The following ROBO1 variants were observed in gnomAD, a reference collection of about 807,000 sequenced individuals.
ROBO1 encodes the protein roundabout guidance receptor 1.
A neutral mutation model predicts 195.9 loss-of-function variants in ROBO1; 149 were observed. The observed-to-expected ratio is 0.76, with a 90% CI of 0.67 to 0.87. ROBO1 has a LOEUF of 0.87. Among genes scored for constraint, ROBO1 ranks in the 40% least tolerant of loss-of-function variants. The pLI is 0.00. For synonymous variants in ROBO1, 816 were observed against 733.2 expected (o/e 1.11, Z -1.82); for missense variants, 1,933 against 2,068.3 (o/e 0.93, Z 1.27).
chr3:79,468,647 G>A (rs1213218590), intron 2 of ROBO1, among the ~76,000 whole-genome samples: 1 of 151,988 alleles, frequency 6.6e-6, no homozygotes, highest in African/African-American at 2.4e-5. Context: ...TTTTTTTATT[G>A]AGCACCTAAA....
intron 27 of ROBO1, among the ~76,000 whole-genome samples, chr3:78,615,947 C>G (rs781013521): frequency 6.6e-6 from 1 of 152,122 alleles, no homozygotes; most frequent in Non-Finnish European, 1.5e-5. Context: ...ATTATGAGCT[C>G]AAGGAAAACC....
chr3:79,393,109 G>C (rs2037015789), intron 2 of ROBO1, among the ~76,000 whole-genome samples: 1 of 152,068 alleles, frequency 6.6e-6, no homozygotes, highest in South Asian at 2.1e-4. Context: ...TGGCACACTG[G>C]GCCTGCCTTC....
chr3:79,021,061 G>A (rs941330517), intron 3 of ROBO1, among the ~76,000 whole-genome samples: 2 of 152,086 alleles, frequency 1.3e-5, no homozygotes, highest in African/African-American at 4.8e-5. Flanking sequence ...TGGAAACTCT[G>A]GTTAACAGCA....
chr3:79,688,994 A>G (rs1947220812), intron 1 of ROBO1, among the ~76,000 whole-genome samples: 1 of 151,972 alleles, frequency 6.6e-6, no homozygotes, highest in Non-Finnish European at 1.5e-5. Context: ...TAATTATTAG[A>G]CTTTTTTCTC....
chr3:79,408,300 T>A (rs1417869507), intron 2 of ROBO1, among the ~76,000 whole-genome samples: 1 of 151,976 alleles, frequency 6.6e-6, no homozygotes. Flanking sequence ...AGATTACATA[T>A]AATCTCAGTA....
At chr3:79,344,724 G>T (rs2035045087) in intron 2 of ROBO1, among the ~76,000 whole-genome samples, 1 of 151,198 alleles carries the variant, frequency 6.6e-6, no homozygotes, top group African/African-American at 2.4e-5. Context: ...TATATATGGA[G>T]AGAGAGAGAG....
chr3:79,211,816 T>C (rs1009339540), intron 2 of ROBO1, among the ~76,000 whole-genome samples: 1 of 152,242 alleles, frequency 6.6e-6, no homozygotes, highest in African/African-American at 2.4e-5. Context: ...CTAACCTAGC[T>C]GCGCTGGAGG....
At chr3:79,629,312 A>G (rs939800390) in intron 1 of ROBO1, among the ~76,000 whole-genome samples, 1 of 152,204 alleles carries the variant, frequency 6.6e-6, no homozygotes, top group East Asian at 1.9e-4. Flanking sequence ...TTCTCAGAAC[A>G]TAGAATAATA....
Position 79,575,391 on chromosome 3 carries a change from A to C in ROBO1, c.88+14433T>G, listed in dbSNP as rs1435929011. ...ACAAATATATATAAATATAGATAAC[A>C]AATATATATAAATATAGATAACAAA... On this transcript the variant is annotated intron_variant, in intron 2 of 30. Transcript: ENST00000464233. Among the ~76,000 whole-genome samples, 2 of 129,606 alleles carry C rather than the reference A, an allele frequency of 1.5e-5. 1 individual carries two copies. The highest frequency in any genetic ancestry group is 4.4e-4 in the South Asian group (2 of 4,568). The allele number at this position is 129,606 out of a possible 152,430, so 85.0% of individuals were successfully genotyped here.
At chr3:79,220,040 T>C (rs551264976) in intron 2 of ROBO1, among the ~76,000 whole-genome samples, 1 of 152,058 alleles carries the variant, frequency 6.6e-6, no homozygotes, top group Non-Finnish European at 1.5e-5. Context: ...TATATTAATT[T>C]ATTCAGCCAT....
intron 2 of ROBO1, among the ~76,000 whole-genome samples, chr3:79,413,707 C>T (rs996949147): frequency 3.3e-5 from 5 of 151,918 alleles, no homozygotes; most frequent in Non-Finnish European, 7.4e-5. Flanking sequence ...TTGTATTTTG[C>T]CAAATTTTTA....
intron 1 of ROBO1, among the ~76,000 whole-genome samples, chr3:79,702,047 TG>T (rs1329161904): frequency 3.4e-5 from 5 of 147,906 alleles, no homozygotes; most frequent in African/African-American, 1.3e-4. Flanking sequence ...CATGGTAAGA[TG>T]TACAACTGAG....
intron 2 of ROBO1, among the ~76,000 whole-genome samples, chr3:79,471,007 A>G (rs187205190): frequency 6.6e-6 from 1 of 152,280 alleles, no homozygotes; most frequent in East Asian, 1.9e-4. Context: ...GAGTGGAATC[A>G]GCAGCCAGTT....
At chr3:79,548,094 G>C (rs1455547104) in intron 2 of ROBO1, among the ~76,000 whole-genome samples, 1 of 152,158 alleles carries the variant, frequency 6.6e-6, no homozygotes, top group Non-Finnish European at 1.5e-5. Flanking sequence ...TGAATTAATA[G>C]CAAAATGCAG....
intron 3 of ROBO1, among the ~76,000 whole-genome samples, chr3:78,953,044 A>G (rs987030536): frequency 6.6e-6 from 1 of 152,046 alleles, no homozygotes; most frequent in Admixed American, 6.6e-5. Flanking sequence ...CTATGTCCCC[A>G]GAGATATGAA....
chr3:79,418,696 A>G (rs2038104294), intron 2 of ROBO1, among the ~76,000 whole-genome samples: 1 of 152,198 alleles, frequency 6.6e-6, no homozygotes, highest in Non-Finnish European at 1.5e-5. Flanking sequence ...AGATAGATAC[A>G]TACATAGACG....
At chr3:79,234,962 C>T (rs1319844753) in intron 2 of ROBO1, among the ~76,000 whole-genome samples, 38 of 152,026 alleles carry the variant, frequency 2.5e-4, no homozygotes, top group Non-Finnish European at 2.9e-5. Flanking sequence ...CACGTACCAC[C>T]TGAATCTAAA....
intron 3 of ROBO1, among the ~76,000 whole-genome samples, chr3:79,058,760 C>A (rs1461660904): frequency 6.6e-6 from 1 of 152,098 alleles, no homozygotes; most frequent in Non-Finnish European, 1.5e-5. Flanking sequence ...GAGAAGGAAT[C>A]TGGATTCCGG....
intron 2 of ROBO1, among the ~76,000 whole-genome samples, chr3:79,204,741 G>A (rs1338519157): frequency 1.3e-5 from 2 of 152,090 alleles, no homozygotes; most frequent in African/African-American, 4.8e-5. Flanking sequence ...TCTCATGAGT[G>A]TAAAGTGATA....
Sources: gnomAD v4.1 joint callset for allele counts (sites outside exome capture counted in the v4.1 genomes callset) on GRCh38, gnomAD v4.1.1 for gene constraint, MANE v1.5 for transcripts, NCBI Gene and HGNC (gene_info 2026-07-23, HGNC 2026-07-21) for gene names.